CSRNP2: variants seen among roughly 807,000 people sequenced by gnomAD.
CSRNP2 encodes cysteine/serine-rich nuclear protein 2.
CSRNP2 carries 11 observed loss-of-function variants against 36.6 expected under a neutral mutation model. The observed-to-expected ratio is 0.30, with a 90% CI of 0.19 to 0.50. The LOEUF (loss-of-function observed/expected upper bound fraction) is 0.50, where lower values mean the gene tolerates loss of function less well. CSRNP2 is among the 20% of genes least tolerant of loss of function. The pLI is 0.98. For missense variants in CSRNP2, 483 were observed against 691.4 expected, an observed-to-expected ratio of 0.70 and a Z score of 3.38; for synonymous variants, 248 against 275.3, an observed-to-expected ratio of 0.90 and a Z score of 0.98.
intron 4 of CSRNP2, among the ~76,000 whole-genome samples, chr12:51,066,644 A>AG (rs1471155421): frequency 6.6e-6 from 1 of 151,342 alleles, no homozygotes; most frequent in Non-Finnish European, 1.5e-5. Flanking sequence ...CCGTCTCAAA[A>AG]AAAAAAAAGG....
chr12:51,080,588 C>A (rs1386917037), intron 1 of CSRNP2, among the ~76,000 whole-genome samples: 1 of 152,140 alleles, frequency 6.6e-6, no homozygotes, highest in East Asian at 1.9e-4. Flanking sequence ...ATAACTGGAA[C>A]CTATGGCTAT....
At chr12:51,083,021 A>G (rs1939701765) in intron 1 of CSRNP2, 1 of 151,376 alleles carries the variant, frequency 6.6e-6, no homozygotes, top group Non-Finnish European at 1.5e-5. Flanking sequence ...ATCCTACATC[A>G]TTCTCCACTC....
At chr12:51,065,115 G>A (rs1938017851) in intron 4 of CSRNP2, among the ~76,000 whole-genome samples, 2 of 152,184 alleles carry the variant, frequency 1.3e-5, no homozygotes, top group Admixed American at 1.3e-4. Context: ...GGCCTGCAAT[G>A]ACAGGCATGG....
rs143340150 is a variant in CSRNP2, at chr12:51,064,490, C to G, written c.888G>C (p.Pro296=). ...CTCCTGTCAGGCTGCAACTGGCAGT[C>G]GGGGAGGGCTCCTCATCTGGGGCTG... is the stretch of plus-strand genomic sequence containing the variant. ...RPAAPDEEPS[P]TASCSLTGAQ... The change falls in exon 5 of 5, where the codon CCG becomes CCC. Residue 296 remains proline (P), a synonymous_variant. Coordinates refer to ENST00000228515, the MANE Select transcript of CSRNP2 (RefSeq NM_030809.3). 6.2e-7 allele frequency: 1 copy of G among 1,610,188 alleles called. No individual in the cohort carries two copies. Among genetic ancestry groups the G allele is most frequent in the East Asian group, 2.2e-5 (1 of 44,868 alleles).
chr12:51,064,710 A>C (rs748314697), intron 4 of CSRNP2, 41 bp from the exon 5 acceptor site: 31 of 1,468,954 alleles, frequency 2.1e-5, no homozygotes, highest in Non-Finnish European at 2.5e-5. Flanking sequence ...TGAGACCTAC[A>C]ATCCTAACAA....
chr12:51,067,549 A>G lies in CSRNP2; in HGVS notation c.708+124T>C, dbSNP rs759272380. On this transcript the variant is annotated intron_variant, in intron 4 of 4. Coordinates refer to ENST00000228515, the MANE Select transcript of CSRNP2 (RefSeq NM_030809.3). This position sits in a 1 kb window ranked among gnomAD's most constrained non-coding sequence, Gnocchi z 4.1. ...TCTGTTGACGGAGGAGGGTTGTGGA[A>G]CTGGAGAGTGTTCACAACCATAGGG... 2 of 880,708 alleles carry G rather than the reference A, an allele frequency of 2.3e-6. No homozygotes were observed. The highest frequency in any genetic ancestry group is 2.4e-5 in the Admixed American group (1 of 41,286). The allele number at this position is 880,708 out of a possible 1,614,324, so 54.6% of individuals were successfully genotyped here. A position where few individuals can be genotyped will look rare whatever the true frequency, so the allele number is the denominator to read the frequency against.
intron 3 of CSRNP2, among the ~76,000 whole-genome samples, chr12:51,073,611 C>G (rs146059613): frequency 2.0e-4 from 31 of 151,292 alleles, no homozygotes; most frequent in Middle Eastern, 3.4e-3. Context: ...GTAATCCCAA[C>G]TACTCGGGAG....
In CSRNP2 at chr12:51,064,029, T is replaced by C. The variant is rs1030009161; in HGVS notation, c.1349A>G (p.Asn450Ser). ...SASFPKEKDL[N>S]VFSLPVTSLV... ...TGAGGTAACAGGGAGAGAGAAGACA[T>C]TCAGATCCTTCTCCTTTGGGAAAGA... The change falls in exon 5 of 5, where the codon AAT becomes AGT. Residue 450 changes from asparagine (N) to serine (S), a missense_variant. This residue lies in a region of CSRNP2 where 277 missense variants were observed against 323.6 expected (regional missense o/e 0.86). Coordinates refer to ENST00000228515, the MANE Select transcript of CSRNP2 (RefSeq NM_030809.3). 1 of 1,614,204 alleles carries C rather than the reference T, an allele frequency of 6.2e-7. No homozygotes were observed. The highest frequency in any genetic ancestry group is 8.5e-7 in the Non-Finnish European group (1 of 1,180,040).
Position 51,063,033 on chromosome 12 carries a change from A to AGGAT in CSRNP2, c.*709_*712dup, listed in dbSNP as rs1403928935. 2 of 152,342 alleles carry AGGAT rather than the reference A, an allele frequency of 1.3e-5. No individual in the cohort carries two copies. The allele number at this position is 152,342 out of a possible 1,614,324, so 9.4% of individuals were successfully genotyped here. A position where few individuals can be genotyped will look rare whatever the true frequency, so the allele number is the denominator to read the frequency against. On this transcript the variant is annotated 3_prime_UTR_variant, in exon 5 of 5. Transcript: ENST00000228515. ...ATCCAGCTCTTTCTCCGAAGGAAAA[A>AGGAT]GGATGGAGAGAAAAAAGACACATAG... is the stretch of plus-strand genomic sequence containing the variant.
In CSRNP2 at chr12:51,063,736, C is replaced by T. The variant is rs778785019; in HGVS notation, c.*10G>A. 20 of 1,529,532 alleles carry T rather than the reference C, an allele frequency of 1.3e-5. 1 individual carries two copies. The South Asian group carries it at 2.3e-4, about 18-fold the overall frequency. The allele number at this position is 1,529,532 out of a possible 1,614,324, so 94.7% of individuals were successfully genotyped here. ...AGAGAATGGGTAAGAGGCAGGACCT[C>T]TAGCGCCTGTCACACTGCCAGAGGG... On this transcript the variant is annotated 3_prime_UTR_variant, in exon 5 of 5. Coordinates refer to ENST00000228515, the MANE Select transcript of CSRNP2 (RefSeq NM_030809.3).
In CSRNP2 at chr12:51,072,470, G is replaced by A. The variant is rs932607189; in HGVS notation, c.411+1353C>T. On this transcript the variant is annotated intron_variant, in intron 3 of 4. Coordinates refer to ENST00000228515, the MANE Select transcript of CSRNP2 (RefSeq NM_030809.3). Reference sequence around the variant, plus strand: ...CCCAGCTATTCAGGAGGCTGAGGCAGGAGAATGGTGTGAACCCGGGAGGTG... The same window carrying A: ...CCCAGCTATTCAGGAGGCTGAGGCAAGAGAATGGTGTGAACCCGGGAGGTG... 2.0e-5 allele frequency among the ~76,000 whole-genome samples: 3 copies of A among 149,876 alleles called. No homozygotes were observed. The Admixed American group carries it at 2.0e-4, about 10-fold the overall frequency.
At chr12:51,070,044 T>C (rs1938961480) in intron 3 of CSRNP2, among the ~76,000 whole-genome samples, 1 of 151,124 alleles carries the variant, frequency 6.6e-6, no homozygotes, top group African/African-American at 2.4e-5. Flanking sequence ...AAGGGAGTCT[T>C]GGTGGAAGGA....
intron 1 of CSRNP2, among the ~76,000 whole-genome samples, chr12:51,077,679 C>CCATG (rs1939451459): frequency 6.6e-6 from 1 of 152,102 alleles, no homozygotes; most frequent in Non-Finnish European, 1.5e-5. Flanking sequence ...GCTTCAAAAC[C>CCATG]CAGAATCTTT....
At chr12:51,073,577 C>CA in intron 3 of CSRNP2, among the ~76,000 whole-genome samples, 1 of 151,660 alleles carries the variant, frequency 6.6e-6, no homozygotes. Flanking sequence ...ACTAAAAATA[C>CA]AAAAACAAGA....
chr12:51,063,668 A>T lies in CSRNP2; in HGVS notation c.*78T>A. 1 of 1,117,696 alleles carries T rather than the reference A, an allele frequency of 8.9e-7. No homozygotes were observed. The highest frequency in any genetic ancestry group is 1.2e-6 in the Non-Finnish European group (1 of 808,696). The allele number at this position is 1,117,696 out of a possible 1,614,324, so 69.2% of individuals were successfully genotyped here. On this transcript the variant is annotated 3_prime_UTR_variant, in exon 5 of 5. Transcript: ENST00000228515. The stretch of plus-strand genomic sequence containing the variant: ...ACATGGGAGCAGCAGCTGCTTCTAC[A>T]GTTTTGTTTTGAAATGGTGTTAGAT...
rs545789091 is a variant in CSRNP2 at position 51,061,373 on chromosome 12, AAAT to A, written c.*2370_*2372del. 2 of 152,752 alleles carry A rather than the reference AAAT, an allele frequency of 1.3e-5. No individual in the cohort carries two copies. The highest frequency in any genetic ancestry group is 4.1e-4 in the South Asian group (2 of 4,828). 9.5% of individuals were successfully genotyped at this position (152,752 alleles called of 1,614,324 possible). A position where few individuals can be genotyped will look rare whatever the true frequency, so the allele number is the denominator to read the frequency against. The stretch of plus-strand genomic sequence containing the variant: ...ACAGTATGTGAGAAAGGAAATTGGA[AAAT>A]AATAAGGGTTGTGGTAATAAGAGTC... On this transcript the variant is annotated 3_prime_UTR_variant, in exon 5 of 5. Transcript: ENST00000228515.
rs555361408 is a variant in CSRNP2 at position 51,070,171 on chromosome 12, G to T, written c.412-2202C>A. 2.0e-5 allele frequency among the ~76,000 whole-genome samples: 3 copies of T among 152,326 alleles called. No homozygotes were observed. In the East Asian group the frequency reaches 5.8e-4, roughly 29 times the overall value. On this transcript the variant is annotated intron_variant, in intron 3 of 4. Coordinates refer to ENST00000228515, the MANE Select transcript of CSRNP2 (RefSeq NM_030809.3). ...GCTGCTAGCAGGATGAAAGCCACGT[G>T]ACTGGAGCCTTTGGTTGATTTCATC...
Position 51,067,798 on chromosome 12 carries a change from T to C in CSRNP2, c.583A>G (p.Ile195Val). 1 of 1,614,224 alleles carries C rather than the reference T, an allele frequency of 6.2e-7. No individual in the cohort carries two copies. The highest frequency in any genetic ancestry group is 8.5e-7 in the Non-Finnish European group (1 of 1,180,030). Residue 195 changes from isoleucine to valine, a missense_variant, in exon 4 of 5, where the codon ATT becomes GTT. Ile to Val is a conservative substitution (Grantham distance 29, BLOSUM62 3). This residue lies in a region of CSRNP2 where 206 missense variants were observed against 367.8 expected (regional missense o/e 0.56). Transcript: ENST00000228515. This position sits in a 1 kb window ranked among gnomAD's most constrained non-coding sequence, Gnocchi z 4.1. ...ALLRASGVHRIDAEEKQELRA... is the reference protein window; with the variant it reads ...ALLRASGVHRVDAEEKQELRA... The stretch of plus-strand genomic sequence containing the variant: ...AGTTCTTGCTTCTCTTCAGCATCAA[T>C]ACGGTGGACCCCAGAAGCCCTCAGC...
At position 51,076,643 on chromosome 12, in the gene CSRNP2, G is replaced by A. The variant is rs1207349961; in HGVS notation, c.-82C>T. ...CACCACCAGCTAGCCAGGTACATTAGGATTCTGCCCAGGGAAAAAAAGGAA... is the reference window on the plus strand; with the variant it reads ...CACCACCAGCTAGCCAGGTACATTAAGATTCTGCCCAGGGAAAAAAAGGAA... On this transcript the variant is annotated 5_prime_UTR_variant, in exon 2 of 5. Coordinates refer to ENST00000228515, the MANE Select transcript of CSRNP2 (RefSeq NM_030809.3). 2.6e-6 allele frequency: 4 copies of A among 1,527,462 alleles called. No homozygotes were observed. Among genetic ancestry groups the A allele is most frequent in the African/African-American group, 2.7e-5 (2 of 72,924 alleles). 94.6% of individuals were successfully genotyped at this position (1,527,462 alleles called of 1,614,324 possible).
Sources: gnomAD v4.1 joint callset for allele counts (sites outside exome capture counted in the v4.1 genomes callset) on GRCh38, gnomAD v4.1.1 for gene constraint, gnomAD v4.1.1 regional missense constraint, Gnocchi (gnomAD v3.1) non-coding constraint, MANE v1.5 for transcripts, NCBI Gene and HGNC (gene_info 2026-07-23, HGNC 2026-07-21) for gene names.